SLC24A3: variants seen among roughly 807,000 people sequenced by gnomAD.
The protein encoded by SLC24A3 is sodium/potassium/calcium exchanger 3.
Under a neutral mutation model 75.8 loss-of-function variants are expected in SLC24A3, and 28 were observed. That is an observed-to-expected ratio of 0.37 (90% CI 0.27 to 0.51). The LOEUF is 0.51. Ranked by LOEUF, SLC24A3 falls within the 20% of genes least tolerant of loss-of-function variation. SLC24A3 has a pLI of 0.94. For synonymous variants in SLC24A3, 372 were observed against 334.1 expected, an observed-to-expected ratio of 1.11 and a Z score of -1.24; for missense variants, 663 against 847.8, an observed-to-expected ratio of 0.78 and a Z score of 2.71.
intron 2 of SLC24A3, among the ~76,000 whole-genome samples, chr20:19,405,293 T>C (rs1270877842): frequency 6.6e-6 from 1 of 152,176 alleles, no homozygotes; most frequent in East Asian, 1.9e-4. Context: ...GGGATTCTCA[T>C]GTTGGTGCTT....
chr20:19,275,670 G>A (rs1983462834), intron 1 of SLC24A3, among the ~76,000 whole-genome samples: 1 of 152,108 alleles, frequency 6.6e-6, no homozygotes, highest in African/African-American at 2.4e-5. Context: ...GGAGGGAGGA[G>A]AGCACAAAAG....
chr20:19,721,194 C>A lies in SLC24A3; in HGVS notation c.*54C>A. 1.2e-6 allele frequency: 2 copies of A among 1,600,086 alleles called. No individual in the cohort carries two copies. Among genetic ancestry groups the A allele is most frequent in the Non-Finnish European group, 1.7e-6 (2 of 1,174,426 alleles). On this transcript the variant is annotated 3_prime_UTR_variant, in exon 17 of 17. Transcript: ENST00000328041. The stretch of plus-strand genomic sequence containing the variant: ...CCTTCTTTTCTGTGCAATACGAGAC[C>A]CGGCCGCACCCCGAGTCACACAGGC...
At chr20:19,524,286 A>G (rs2030156919) in intron 3 of SLC24A3, among the ~76,000 whole-genome samples, 1 of 152,116 alleles carries the variant, frequency 6.6e-6, no homozygotes, top group Non-Finnish European at 1.5e-5. Flanking sequence ...TACCATTATT[A>G]TTATGCAAAA....
intron 2 of SLC24A3, among the ~76,000 whole-genome samples, chr20:19,463,216 T>C (rs1987707439): frequency 6.6e-6 from 1 of 152,248 alleles, no homozygotes; most frequent in South Asian, 2.1e-4. Flanking sequence ...CTCACGTGAC[T>C]CCTGTTTTCT....
intron 6 of SLC24A3, among the ~76,000 whole-genome samples, chr20:19,588,889 T>C (rs1466887746): frequency 6.6e-6 from 1 of 152,198 alleles, no homozygotes; most frequent in African/African-American, 2.4e-5. Flanking sequence ...CATATTCAGG[T>C]TATTACAGGC....
chr20:19,409,047 T>A (rs1485758634), intron 2 of SLC24A3, among the ~76,000 whole-genome samples: 1 of 152,164 alleles, frequency 6.6e-6, no homozygotes, highest in Non-Finnish European at 1.5e-5. Flanking sequence ...GCACCAGATA[T>A]TATCAGGGAG....
Position 19,367,903 on chromosome 20 carries a change from T to G in SLC24A3, c.271+86816T>G, listed in dbSNP as rs146380881. Among the ~76,000 whole-genome samples, 132 of 152,346 alleles carry G rather than the reference T, an allele frequency of 8.7e-4. 1 individual carries two copies. The highest frequency in any genetic ancestry group is 6.8e-3 in the Middle Eastern group (2 of 294). ...CAACCAGCAGCCATCACTGGATGTC[T>G]GCTGAGTAACAGACTCCATGTTTTC... On this transcript the variant is annotated intron_variant, in intron 2 of 16. Transcript: ENST00000328041.
chr20:19,652,460 T>A (rs1213114258), intron 6 of SLC24A3, among the ~76,000 whole-genome samples: 1 of 152,204 alleles, frequency 6.6e-6, no homozygotes, highest in Admixed American at 6.5e-5. Context: ...GACCACAGAT[T>A]CTAAGAGTTT....
Position 19,604,781 on chromosome 20 carries a change from C to T in SLC24A3, c.612+19237C>T, listed in dbSNP as rs148838939. 6.9e-4 allele frequency among the ~76,000 whole-genome samples: 105 copies of T among 152,314 alleles called. 1 individual carries two copies. The East Asian group carries it at 0.02, about 29-fold the overall frequency. On this transcript the variant is annotated intron_variant, in intron 6 of 16. Transcript: ENST00000328041. ...GCTCTGAGGAATTTCCTCCATTACC[C>T]TCTGCCTACCCTCCTCTCTCAGGAG...
Position 19,665,742 on chromosome 20 carries a change from C to A in SLC24A3, c.688-122C>A, listed in dbSNP as rs570400112. 5 of 1,315,202 alleles carry A rather than the reference C, an allele frequency of 3.8e-6. No individual in the cohort carries two copies. In the East Asian group the frequency reaches 1.3e-4, roughly 33 times the overall value. 81.5% of individuals were successfully genotyped at this position (1,315,202 alleles called of 1,614,324 possible). ...CTCCAGGTCCCAGGACAACCCAGTC[C>A]TGATTACACCATCCCAGGAACAAGG... On this transcript the variant is annotated intron_variant, in intron 7 of 16. Transcript: ENST00000328041.
intron 2 of SLC24A3, among the ~76,000 whole-genome samples, chr20:19,502,440 C>T (rs1215849704): frequency 6.6e-6 from 1 of 152,106 alleles, no homozygotes; most frequent in African/African-American, 2.4e-5. Context: ...AAGTGCAAGC[C>T]TCTAAAGTTA....
chr20:19,468,684 G>T (rs1987811053), intron 2 of SLC24A3, among the ~76,000 whole-genome samples: 1 of 152,184 alleles, frequency 6.6e-6, no homozygotes, highest in Non-Finnish European at 1.5e-5. Flanking sequence ...GAGCTTCCAT[G>T]GCCTGTTTAG....
At chr20:19,324,480 A>G (rs1984791997) in intron 2 of SLC24A3, among the ~76,000 whole-genome samples, 1 of 152,180 alleles carries the variant, frequency 6.6e-6, no homozygotes, top group Admixed American at 6.5e-5. Context: ...TTAAGAACGT[A>G]TCTTTCTCAG....
chr20:19,515,634 T>C, intron 3 of SLC24A3, 70 bp downstream of exon 3: 1 of 1,494,032 alleles, frequency 6.7e-7, no homozygotes, highest in Non-Finnish European at 9.3e-7. Flanking sequence ...GTGTGGCACC[T>C]GAGGTGCCCC....
At chr20:19,356,954 A>G (rs1265483365) in intron 2 of SLC24A3, among the ~76,000 whole-genome samples, 1 of 152,182 alleles carries the variant, frequency 6.6e-6, no homozygotes, top group Non-Finnish European at 1.5e-5. Context: ...TTATAATAAT[A>G]TAAATTGTGC....
chr20:19,435,592 A>G (rs1012189861), intron 2 of SLC24A3, among the ~76,000 whole-genome samples: 1 of 152,176 alleles, frequency 6.6e-6, no homozygotes, highest in African/African-American at 2.4e-5. Context: ...GTATGTGCTT[A>G]AAGTACTCAC....
At chr20:19,518,257 A>G (rs1286107772) in intron 3 of SLC24A3, among the ~76,000 whole-genome samples, 2 of 152,200 alleles carry the variant, frequency 1.3e-5, no homozygotes, top group Non-Finnish European at 2.9e-5. Context: ...CTGCACTTGG[A>G]CATCTAGAAA....
chr20:19,527,158 T>C (rs2030213920), intron 3 of SLC24A3, among the ~76,000 whole-genome samples: 1 of 152,142 alleles, frequency 6.6e-6, no homozygotes. Context: ...TTTGACTTCC[T>C]ATAAGGAAGA....
chr20:19,552,705 C>G (rs1178289269), intron 3 of SLC24A3, among the ~76,000 whole-genome samples: 1 of 152,064 alleles, frequency 6.6e-6, no homozygotes, highest in Non-Finnish European at 1.5e-5. Flanking sequence ...TTTTTTCCTT[C>G]TTTCTGACCC....
Sources: allele counts gnomAD v4.1 joint callset (sites outside exome capture counted in the v4.1 genomes callset), GRCh38; gene constraint gnomAD v4.1.1; transcripts MANE v1.5; gene names NCBI Gene and HGNC (gene_info 2026-07-23, HGNC 2026-07-21).